The following NRXN3 variants were observed in gnomAD, a reference collection of about 807,000 sequenced individuals.
NRXN3 encodes the protein neurexin III.
A neutral mutation model predicts 137.6 loss-of-function variants in NRXN3; 32 were observed. The observed-to-expected ratio is 0.23, with a 90% CI of 0.18 to 0.31. The LOEUF (loss-of-function observed/expected upper bound fraction) is 0.31. Ranked by LOEUF, NRXN3 falls within the 10% of genes least tolerant of loss-of-function variation. The pLI, the probability that NRXN3 is intolerant of heterozygous loss-of-function variation, is 1.00. For missense variants in NRXN3, 1,574 were observed against 2,062.5 expected, an observed-to-expected ratio of 0.76 and a Z score of 4.59; for synonymous variants, 798 against 784.5, an observed-to-expected ratio of 1.02 and a Z score of -0.29.
chr14:78,966,520 C>A, intron 12 of NRXN3, 114 bp downstream of exon 12: 1 of 1,054,582 alleles, frequency 9.5e-7, no homozygotes, highest in South Asian at 1.7e-5. Flanking sequence ...CCATTCCTGA[C>A]ACATTCTCGC....
rs958084760 is a variant in NRXN3 at position 78,359,644 on chromosome 14, A to G, written c.757+61784A>G. Among the ~76,000 whole-genome samples the G allele has an allele frequency of 5.9e-5, 9 of 152,170 alleles. No homozygotes were observed. In the East Asian group the frequency reaches 1.7e-3, roughly 29 times the overall value. On this transcript the variant is annotated intron_variant, in intron 4 of 20. Transcript: ENST00000335750. ...GCAACATGTCAATCAAGCAAAGCCCAGGAGGGTGTGGACGATGCCTTGATA... is the reference window on the plus strand; with the variant it reads ...GCAACATGTCAATCAAGCAAAGCCCGGGAGGGTGTGGACGATGCCTTGATA...
intron 15 of NRXN3, among the ~76,000 whole-genome samples, chr14:79,326,442 T>A (rs2090886921): frequency 6.6e-6 from 1 of 152,206 alleles, no homozygotes; most frequent in African/African-American, 2.4e-5. Context: ...ATTGGTGACT[T>A]GCACAGGTCT....
At chr14:78,847,430 G>A (rs2099030315) in intron 10 of NRXN3, among the ~76,000 whole-genome samples, 3 of 152,092 alleles carry the variant, frequency 2.0e-5, no homozygotes, top group Admixed American at 6.6e-5. Context: ...GCAGGGCTGT[G>A]TACTGTTCAA....
chr14:78,316,225 A>G lies in NRXN3; in HGVS notation c.757+18365A>G, dbSNP rs527799302. Among the ~76,000 whole-genome samples the G allele has an allele frequency of 5.4e-4, 82 of 152,220 alleles. 2 individuals are homozygous for G. In the South Asian group the frequency reaches 0.016, roughly 30 times the overall value. On this transcript the variant is annotated intron_variant, in intron 4 of 20. Transcript: ENST00000335750. ...GAGCTGAGAGAAATGCACTGGGTTT[A>G]GAATAAAGGCTCCCCACCCCCACTT...
intron 8 of NRXN3, among the ~76,000 whole-genome samples, chr14:78,724,368 A>C (rs2098473647): frequency 6.6e-6 from 1 of 152,254 alleles, no homozygotes; most frequent in South Asian, 2.1e-4. Flanking sequence ...TAGAAGTCCC[A>C]AACTTAAAAC....
chr14:79,137,024 G>A (rs2058302277), intron 15 of NRXN3, among the ~76,000 whole-genome samples: 1 of 152,058 alleles, frequency 6.6e-6, no homozygotes, highest in African/African-American at 2.4e-5. Flanking sequence ...TACCCCTTGG[G>A]GCCATTTGAG....
intron 16 of NRXN3, among the ~76,000 whole-genome samples, chr14:79,640,998 A>G (rs1044000512): frequency 7.5e-6 from 1 of 133,982 alleles, no homozygotes; most frequent in Admixed American, 8.1e-5. Flanking sequence ...GCTGTTTAGA[A>G]TAAATTATAA....
intron 16 of NRXN3, among the ~76,000 whole-genome samples, chr14:79,504,647 A>ATATATATATATATATC (rs2096857208): frequency 8.1e-6 from 1 of 123,348 alleles, no homozygotes; most frequent in Non-Finnish European, 1.7e-5. Context: ...TTTTTTATAT[A>ATATATATATATATATC]TATATATGTA....
chr14:79,803,013 C>G (rs1017769863), intron 19 of NRXN3, among the ~76,000 whole-genome samples: 1 of 151,768 alleles, frequency 6.6e-6, no homozygotes. Context: ...CAAACCTGCA[C>G]GTTTTGCACA....
intron 15 of NRXN3, among the ~76,000 whole-genome samples, chr14:79,425,998 GGAGA>G (rs377144359): frequency 7.4e-5 from 11 of 149,528 alleles, no homozygotes; most frequent in East Asian, 2.0e-4. Flanking sequence ...GGAGAGAAGG[GGAGA>G]GAGAGAGAGA....
Position 78,966,026 on chromosome 14 carries a change from T to C in NRXN3, c.2397T>C (p.Gly799=). The C allele has an allele frequency of 6.2e-7, 1 of 1,613,138 alleles. No individual in the cohort carries two copies. The highest frequency in any genetic ancestry group is 8.5e-7 in the Non-Finnish European group (1 of 1,179,282). The stretch of plus-strand genomic sequence containing the variant: ...GTACCTCATTTACAATTTTCACAGG[T>C]ACAATGGTGGGAGACCATACCCGTT... ...KLTVDDDVAE[G]TMVGDHTRLE... Residue 799 remains glycine, a splice_region_variant and synonymous_variant, in exon 12 of 21, where the codon GGT becomes GGC. Coordinates refer to ENST00000335750, the MANE Select transcript of NRXN3 (RefSeq NM_001330195.2).
intron 10 of NRXN3, among the ~76,000 whole-genome samples, chr14:78,938,610 A>G (rs2099346558): frequency 6.6e-6 from 1 of 151,864 alleles, no homozygotes; most frequent in African/African-American, 2.4e-5. Flanking sequence ...TGGTGTTTTC[A>G]CTGACTTTGT....
chr14:79,611,963 T>C (rs1226633340), intron 16 of NRXN3: 5 of 152,206 alleles, frequency 3.3e-5, no homozygotes, highest in African/African-American at 4.8e-5. Flanking sequence ...TTAAGGCAAT[T>C]AGGAAATTTT....
At chr14:79,074,005 A>G (rs2099691884) in intron 15 of NRXN3, among the ~76,000 whole-genome samples, 1 of 152,200 alleles carries the variant, frequency 6.6e-6, no homozygotes, top group African/African-American at 2.4e-5. Context: ...CACAATATAC[A>G]TTTTTGTTAA....
At chr14:79,427,681 A>C (rs1193829352) in intron 15 of NRXN3, among the ~76,000 whole-genome samples, 2 of 151,828 alleles carry the variant, frequency 1.3e-5, no homozygotes, top group Non-Finnish European at 2.9e-5. Flanking sequence ...AAAATACAAA[A>C]ATTGGTCGGG....
intron 3 of NRXN3, among the ~76,000 whole-genome samples, chr14:78,282,760 T>C (rs1023313049): frequency 5.9e-5 from 9 of 152,194 alleles, no homozygotes; most frequent in Non-Finnish European, 1.3e-4. Context: ...GGGGACCTGA[T>C]TATGTGTCCT....
chr14:79,194,960 C>CT (rs200203038), intron 15 of NRXN3, among the ~76,000 whole-genome samples: 48 of 147,296 alleles, frequency 3.3e-4, no homozygotes, highest in African/African-American at 1.2e-3. Flanking sequence ...ATCTTATTTT[C>CT]TTTTTTTTTT....
At chr14:78,836,353 G>T (rs1475566004) in intron 10 of NRXN3, among the ~76,000 whole-genome samples, 1 of 152,144 alleles carries the variant, frequency 6.6e-6, no homozygotes, top group Non-Finnish European at 1.5e-5. Flanking sequence ...TTATTCAAAA[G>T]GTTTTCACCT....
At chr14:79,257,820 C>T (rs1407124917) in intron 15 of NRXN3, among the ~76,000 whole-genome samples, 1 of 151,792 alleles carries the variant, frequency 6.6e-6, no homozygotes, top group African/African-American at 2.4e-5. Context: ...TGTCCAGGAA[C>T]TCTCAATTCC....
Sources: allele counts gnomAD v4.1 joint callset (sites outside exome capture counted in the v4.1 genomes callset), GRCh38; gene constraint gnomAD v4.1.1; transcripts MANE v1.5; gene names NCBI Gene and HGNC (gene_info 2026-07-23, HGNC 2026-07-21).